The following TBC1D22A variants were observed in gnomAD, a reference collection of about 807,000 sequenced individuals.
TBC1D22A encodes TBC1 domain family member 22A.
TBC1D22A carries 38 observed loss-of-function variants against 60.2 expected under a neutral mutation model. The observed-to-expected ratio is 0.63, with a 90% CI of 0.49 to 0.83. The LOEUF (loss-of-function observed/expected upper bound fraction) is 0.83. TBC1D22A is among the 40% of genes least tolerant of loss of function. The pLI is 0.00. For synonymous variants in TBC1D22A, 302 were observed against 281.7 expected (o/e 1.07, Z -0.72); for missense variants, 628 against 701.0 (o/e 0.90, Z 1.18).
rs143451397 is a variant in TBC1D22A at position 47,038,639 on chromosome 22, C to A, written c.1329+1441C>A. ...GTGCCCCAAAGCTTTGTTCCTGACA[C>A]CGGTTGCTGGTCAGTGTGCCCCTTG... On this transcript the variant is annotated intron_variant, in intron 11 of 12. Transcript: ENST00000337137. 3.7e-4 allele frequency among the ~76,000 whole-genome samples: 56 copies of A among 152,316 alleles called. No homozygotes were observed. In the East Asian group the frequency reaches 9.6e-3, roughly 26 times the overall value.
chr22:46,835,856 A>G (rs1295164535), intron 4 of TBC1D22A, among the ~76,000 whole-genome samples: 2 of 152,218 alleles, frequency 1.3e-5, no homozygotes, highest in Non-Finnish European at 2.9e-5. Context: ...CTTGTCATAT[A>G]CAAGAGAATG....
intron 4 of TBC1D22A, among the ~76,000 whole-genome samples, chr22:46,868,629 C>G (rs546752279): frequency 6.6e-6 from 1 of 152,296 alleles, no homozygotes; most frequent in African/African-American, 2.4e-5. Flanking sequence ...CATTGTACCT[C>G]TTGGCTATTG....
chr22:47,101,647 C>T (rs995045430), intron 11 of TBC1D22A, among the ~76,000 whole-genome samples: 8 of 152,220 alleles, frequency 5.3e-5, no homozygotes, highest in Non-Finnish European at 1.0e-4. Context: ...GGGTTTTTCT[C>T]AAGTGCTAGG....
At chr22:47,104,650 A>G (rs6008038) in intron 11 of TBC1D22A, among the ~76,000 whole-genome samples, 67,737 of 149,662 alleles carry the variant, frequency 0.45, 16,379 homozygotes, top group African/African-American at 0.64. Flanking sequence ...AACTGAGATC[A>G]CACCATTGCA....
chr22:46,793,441 T>C, intron 2 of TBC1D22A, 60 bp from the exon 3 acceptor site: 1 of 1,547,760 alleles, frequency 6.5e-7, no homozygotes, highest in Non-Finnish European at 8.9e-7. Flanking sequence ...AATTCTTTCC[T>C]GGCTGGTTTT....
At chr22:46,809,859 A>G (rs2085308195) in intron 4 of TBC1D22A, among the ~76,000 whole-genome samples, 2 of 152,296 alleles carry the variant, frequency 1.3e-5, no homozygotes, top group East Asian at 1.9e-4. Flanking sequence ...CCATGAAACT[A>G]TATAGATGGC....
intron 12 of TBC1D22A, among the ~76,000 whole-genome samples, chr22:47,172,077 G>GC (rs2068502401): frequency 3.1e-5 from 4 of 129,522 alleles, no homozygotes; most frequent in Non-Finnish European, 3.4e-5. Flanking sequence ...CTCCCAGTGA[G>GC]CCTACCCAGC....
chr22:46,814,796 C>A (rs2085523966), intron 4 of TBC1D22A, among the ~76,000 whole-genome samples: 1 of 151,612 alleles, frequency 6.6e-6, no homozygotes, highest in African/African-American at 2.4e-5. Flanking sequence ...CAGGCCGCTG[C>A]CACCACACTG....
intron 10 of TBC1D22A, among the ~76,000 whole-genome samples, chr22:47,034,896 C>T (rs553089889): frequency 1.5e-4 from 23 of 152,316 alleles, no homozygotes; most frequent in Non-Finnish European, 3.4e-4. Context: ...TTGCTGCTCG[C>T]GTGTGACGCT....
chr22:47,099,831 G>A (rs1366436532), intron 11 of TBC1D22A, among the ~76,000 whole-genome samples: 1 of 152,178 alleles, frequency 6.6e-6, no homozygotes, highest in African/African-American at 2.4e-5. Context: ...CCACCCTCCA[G>A]GGTGCCTCAC....
chr22:47,147,297 A>G (rs1278063788), intron 12 of TBC1D22A, among the ~76,000 whole-genome samples: 2 of 152,234 alleles, frequency 1.3e-5, no homozygotes, highest in Non-Finnish European at 2.9e-5. Flanking sequence ...GAGATTAAAT[A>G]TTCCTCCCCG....
chr22:47,099,133 C>G (rs1025819061), intron 11 of TBC1D22A, among the ~76,000 whole-genome samples: 2 of 152,216 alleles, frequency 1.3e-5, no homozygotes, highest in African/African-American at 4.8e-5. Context: ...GTCCTGAGCG[C>G]TTACCCTGTG....
intron 10 of TBC1D22A, among the ~76,000 whole-genome samples, chr22:47,022,161 C>T (rs1374558505): frequency 2.0e-5 from 3 of 152,212 alleles, no homozygotes; most frequent in Non-Finnish European, 2.9e-5. Flanking sequence ...TAATGATCTC[C>T]AAACAAAGAT....
intron 4 of TBC1D22A, among the ~76,000 whole-genome samples, chr22:46,802,755 C>T (rs1217440152): frequency 3.4e-5 from 5 of 148,824 alleles, no homozygotes; most frequent in Admixed American, 2.0e-4. Flanking sequence ...CCATGGACGA[C>T]GTGGAGTCCT....
chr22:47,161,468 T>C (rs764463303), intron 12 of TBC1D22A, among the ~76,000 whole-genome samples: 2 of 152,202 alleles, frequency 1.3e-5, no homozygotes, highest in Non-Finnish European at 2.9e-5. Context: ...TAAATAAACA[T>C]TTCGTTACAT....
intron 12 of TBC1D22A, 98 bp downstream of exon 12, chr22:47,111,701 T>C (rs1412601650): frequency 9.1e-7 from 1 of 1,104,890 alleles, no homozygotes; most frequent in Non-Finnish European, 1.3e-6. Context: ...GGAAGAGTTT[T>C]GAGAAGCGCT....
chr22:46,966,311 C>T lies in TBC1D22A; in HGVS notation c.1016-7979C>T, dbSNP rs550080877. Among the ~76,000 whole-genome samples, 144 of 152,198 alleles carry T rather than the reference C, an allele frequency of 9.5e-4. 1 individual carries two copies. The highest frequency in any genetic ancestry group is 2.3e-3 in the East Asian group (12 of 5,158). On this transcript the variant is annotated intron_variant, in intron 8 of 12. Coordinates refer to ENST00000337137, the MANE Select transcript of TBC1D22A (RefSeq NM_014346.5). The stretch of plus-strand genomic sequence containing the variant: ...CTGGCAGGTTCCAGCTCACACAGCA[C>T]GGCTGTGTGAGCTGCGTCCCTCTGT...
At position 46,950,333 on chromosome 22, in the gene TBC1D22A, A is replaced by G. The variant is rs144305068; in HGVS notation, c.1016-23957A>G. ...TGGTAGGAGAGGTTCTGAGTTTGGA[A>G]GGATGGCAGGAGCTTAGTCTTGGAT... is the stretch of plus-strand genomic sequence containing the variant. On this transcript the variant is annotated intron_variant, in intron 8 of 12. Coordinates refer to ENST00000337137, the MANE Select transcript of TBC1D22A (RefSeq NM_014346.5). 1.4e-4 allele frequency among the ~76,000 whole-genome samples: 22 copies of G among 152,284 alleles called. No homozygotes were observed. The East Asian group carries it at 2.3e-3, about 16-fold the overall frequency.
intron 8 of TBC1D22A, among the ~76,000 whole-genome samples, chr22:46,959,205 C>G (rs1471815380): frequency 1.3e-5 from 2 of 152,144 alleles, no homozygotes; most frequent in Non-Finnish European, 2.9e-5. Flanking sequence ...CAAAGCAACC[C>G]CTAAACTACG....
Sources: gnomAD v4.1 joint callset for allele counts (sites outside exome capture counted in the v4.1 genomes callset) on GRCh38, gnomAD v4.1.1 for gene constraint, MANE v1.5 for transcripts, NCBI Gene and HGNC (gene_info 2026-07-23, HGNC 2026-07-21) for gene names.